The following RBFOX1 variants were observed in gnomAD, a reference collection of about 807,000 sequenced individuals.
The protein encoded by RBFOX1 is RNA binding protein fox-1 homolog 1.
In RBFOX1, 8 loss-of-function variants were observed where a neutral mutation model predicts 57.7. That is an observed-to-expected ratio of 0.14 (90% CI 0.08 to 0.25). The LOEUF (loss-of-function observed/expected upper bound fraction) is 0.25, where lower values mean the gene tolerates loss of function less well. Ranked by LOEUF, RBFOX1 falls within the 10% of genes least tolerant of loss-of-function variation. The pLI is 1.00. For synonymous variants in RBFOX1, 326 were observed against 222.4 expected, an observed-to-expected ratio of 1.47 and a Z score of -4.15; for missense variants, 611 against 548.5, an observed-to-expected ratio of 1.11 and a Z score of -1.14.
intron 4 of RBFOX1, among the ~76,000 whole-genome samples, chr16:7,348,852 G>A (rs1050119788): frequency 6.6e-6 from 1 of 152,122 alleles, no homozygotes; most frequent in Non-Finnish European, 1.5e-5. Flanking sequence ...TCAGGCAGGA[G>A]AATCCCTTGA....
intron 4 of RBFOX1, among the ~76,000 whole-genome samples, chr16:7,344,007 C>T (rs1209388106): frequency 2.0e-5 from 3 of 151,252 alleles, no homozygotes; most frequent in Non-Finnish European, 4.4e-5. Context: ...TAGCCTCAAT[C>T]TTGAGTGTTT....
chr16:5,315,450 G>A (rs1388792185), intron 1 of RBFOX1, among the ~76,000 whole-genome samples: 1 of 152,172 alleles, frequency 6.6e-6, no homozygotes, highest in Non-Finnish European at 1.5e-5. Flanking sequence ...CTCAGTTCCT[G>A]AGTCTGGAGT....
intron 4 of RBFOX1, among the ~76,000 whole-genome samples, chr16:7,513,302 T>C (rs1285990678): frequency 6.6e-6 from 1 of 151,250 alleles, no homozygotes; most frequent in African/African-American, 2.4e-5. Context: ...AATGAATGAA[T>C]GAATGAAGTG....
intron 4 of RBFOX1, among the ~76,000 whole-genome samples, chr16:7,365,685 C>T (rs775564965): frequency 1.3e-5 from 2 of 152,182 alleles, no homozygotes; most frequent in South Asian, 2.1e-4. Context: ...AGGTACTTTA[C>T]TTCCCACAGT....
At chr16:6,870,615 C>CAAAA (rs550577589) in intron 3 of RBFOX1, among the ~76,000 whole-genome samples, 116 of 152,220 alleles carry the variant, frequency 7.6e-4, no homozygotes, top group African/African-American at 2.7e-3. Context: ...AAAGCAATAA[C>CAAAA]AAATCATAAT....
intron 3 of RBFOX1, among the ~76,000 whole-genome samples, chr16:6,787,178 T>C (rs529951858): frequency 1.3e-5 from 2 of 151,964 alleles, no homozygotes; most frequent in East Asian, 3.9e-4. Context: ...ATGTGTGGAG[T>C]GAAGGTCGTA....
At chr16:6,660,019 G>A (rs1053282746) in intron 3 of RBFOX1, among the ~76,000 whole-genome samples, 1 of 152,032 alleles carries the variant, frequency 6.6e-6, no homozygotes, top group African/African-American at 2.4e-5. Flanking sequence ...AAGATCAGGA[G>A]TTCGAGACCA....
chr16:7,486,117 C>CTTT (rs61448458), intron 4 of RBFOX1, among the ~76,000 whole-genome samples: 1,302 of 77,194 alleles, frequency 0.017, 51 homozygotes, highest in Non-Finnish European at 0.02. Context: ...GTGTTTGTGT[C>CTTT]TTTTTTTTTT....
intron 10 of RBFOX1, among the ~76,000 whole-genome samples, chr16:7,610,923 C>A (rs1352901652): frequency 1.3e-5 from 2 of 152,146 alleles, no homozygotes; most frequent in Non-Finnish European, 2.9e-5. Context: ...TAAAAATAGT[C>A]TGAATTTATC....
At chr16:6,447,757 G>A (rs1303786713) in intron 2 of RBFOX1, among the ~76,000 whole-genome samples, 1 of 152,038 alleles carries the variant, frequency 6.6e-6, no homozygotes, top group Non-Finnish European at 1.5e-5. Flanking sequence ...GTTATGGGAA[G>A]GCTTTTATTT....
chr16:6,781,728 C>G (rs1004751765), intron 3 of RBFOX1, among the ~76,000 whole-genome samples: 2 of 152,046 alleles, frequency 1.3e-5, no homozygotes, highest in Non-Finnish European at 2.9e-5. Flanking sequence ...TAAAAATACT[C>G]TCTAATTTAC....
chr16:5,624,226 G>T (rs975112253), intron 3 of RBFOX1, among the ~76,000 whole-genome samples: 1 of 152,148 alleles, frequency 6.6e-6, no homozygotes, highest in Non-Finnish European at 1.5e-5. Context: ...ACGGAGTCTC[G>T]CTCTGTCGCC....
chr16:7,470,761 A>C (rs2061415786), intron 4 of RBFOX1, among the ~76,000 whole-genome samples: 1 of 152,150 alleles, frequency 6.6e-6, no homozygotes, highest in Non-Finnish European at 1.5e-5. Flanking sequence ...CTCAAGGAGT[A>C]GAATTTGATT....
At chr16:6,762,346 C>G (rs577191896) in intron 3 of RBFOX1, among the ~76,000 whole-genome samples, 12 of 152,156 alleles carry the variant, frequency 7.9e-5, no homozygotes, top group Non-Finnish European at 1.5e-4. Flanking sequence ...TTGGCTTTTT[C>G]AAAGTAATTT....
chr16:7,153,562 C>T (rs1167449316), intron 4 of RBFOX1, among the ~76,000 whole-genome samples: 1 of 151,292 alleles, frequency 6.6e-6, no homozygotes, highest in East Asian at 2.0e-4. Flanking sequence ...AGTGAAACCC[C>T]ATCTCTACTG....
At chr16:5,591,433 T>C (rs56135919) in intron 2 of RBFOX1, among the ~76,000 whole-genome samples, 30,031 of 151,956 alleles carry the variant, frequency 0.2, 3,322 homozygotes, top group East Asian at 0.32. Context: ...GTGTTTTTAG[T>C]AGAGATGGGG....
chr16:5,678,653 A>T (rs1255099878), intron 3 of RBFOX1, among the ~76,000 whole-genome samples: 1 of 152,098 alleles, frequency 6.6e-6, no homozygotes, highest in Non-Finnish European at 1.5e-5. Flanking sequence ...GGCAAGTGAG[A>T]ACCTCAGCTG....
At chr16:6,639,268 T>A (rs1009907964) in intron 2 of RBFOX1, among the ~76,000 whole-genome samples, 15 of 152,194 alleles carry the variant, frequency 9.9e-5, no homozygotes, top group Admixed American at 2.0e-4. Context: ...TGTCTTTCTG[T>A]CTATCTGATT....
At chr16:6,294,057 C>T (rs1267689684) in intron 1 of RBFOX1, among the ~76,000 whole-genome samples, 2 of 152,102 alleles carry the variant, frequency 1.3e-5, no homozygotes, top group African/African-American at 4.8e-5. Context: ...TGGTATGAAC[C>T]TGGAGTCCCA....
Sources: gnomAD v4.1 joint callset for allele counts (sites outside exome capture counted in the v4.1 genomes callset) on GRCh38, gnomAD v4.1.1 for gene constraint, MANE v1.5 for transcripts, NCBI Gene and HGNC (gene_info 2026-07-23, HGNC 2026-07-21) for gene names.